Variants in ROR2 observed in about 807,000 individuals in gnomAD.
ROR2 encodes the protein tyrosine-protein kinase transmembrane receptor ROR2.
Under a neutral mutation model 74.9 loss-of-function variants are expected in ROR2, and 33 were observed. The ratio of observed to expected loss-of-function variants is 0.44; its 90% CI spans 0.33 to 0.59. The LOEUF is 0.59. ROR2 is among the 20% of genes least tolerant of loss of function. ROR2 has a pLI of 0.02. For missense variants in ROR2, 1,216 were observed against 1,313.8 expected (o/e 0.93, Z 1.15); for synonymous variants, 586 against 558.7 (o/e 1.05, Z -0.69).
chr9:91,875,245 A>C (rs1829923875), intron 1 of ROR2, among the ~76,000 whole-genome samples: 1 of 152,272 alleles, frequency 6.6e-6, no homozygotes, highest in African/African-American at 2.4e-5. Flanking sequence ...TTTGTGAAGA[A>C]GAATTGTTTA....
rs1228309788 is a variant in ROR2 at position 91,781,762 on chromosome 9, C to T, written c.98-5944G>A. The stretch of plus-strand genomic sequence containing the variant: ...TATTCCTTCAAGGGCTGGCTTAACT[C>T]TACTTTGGAAATAGGGAGTTAAAAC... On this transcript the variant is annotated intron_variant, in intron 1 of 8. Transcript: ENST00000375708. Among the ~76,000 whole-genome samples the T allele has an allele frequency of 1.3e-5, 2 of 152,162 alleles. 1 individual carries two copies. The highest frequency in any genetic ancestry group is 4.1e-4 in the South Asian group (2 of 4,836).
intron 1 of ROR2, among the ~76,000 whole-genome samples, chr9:91,903,941 A>G (rs1340405347): frequency 6.6e-6 from 1 of 152,142 alleles, no homozygotes; most frequent in Non-Finnish European, 1.5e-5. Flanking sequence ...TTTAAAGGAG[A>G]GTGGTTTTAG....
At chr9:91,939,235 C>T (rs986814021) in intron 1 of ROR2, among the ~76,000 whole-genome samples, 1 of 151,594 alleles carries the variant, frequency 6.6e-6, no homozygotes, top group Admixed American at 6.6e-5. Context: ...GGCGACAAAG[C>T]GAGACTCCAT....
intron 2 of ROR2, among the ~76,000 whole-genome samples, chr9:91,773,799 G>A (rs953585332): frequency 5.3e-5 from 8 of 152,110 alleles, no homozygotes; most frequent in Non-Finnish European, 1.2e-4. Context: ...CTTCCCTCTC[G>A]TTTTCACTTG....
chr9:91,781,259 A>AGTG (rs1826611198), intron 1 of ROR2, among the ~76,000 whole-genome samples: 1 of 152,194 alleles, frequency 6.6e-6, no homozygotes, highest in Admixed American at 6.5e-5. Flanking sequence ...CGGTGCTGCA[A>AGTG]ACCAGACACC....
intron 1 of ROR2, among the ~76,000 whole-genome samples, chr9:91,909,496 A>G (rs551419667): frequency 7.5e-4 from 111 of 148,514 alleles, no homozygotes; most frequent in African/African-American, 2.6e-3. Flanking sequence ...ACAGGCATGC[A>G]TCACCACATC....
chr9:91,868,826 G>T (rs1829713033), intron 1 of ROR2, among the ~76,000 whole-genome samples: 2 of 152,222 alleles, frequency 1.3e-5, no homozygotes, highest in South Asian at 4.1e-4. Context: ...AGTGCTTCAT[G>T]CAGAAGGGAA....
At chr9:91,857,882 G>C (rs763571296) in intron 1 of ROR2, among the ~76,000 whole-genome samples, 31 of 152,172 alleles carry the variant, frequency 2.0e-4, no homozygotes, top group Non-Finnish European at 3.5e-4. Context: ...TATGATAAAA[G>C]AGAGTAACTT....
At chr9:91,798,793 C>T (rs758611438) in intron 1 of ROR2, among the ~76,000 whole-genome samples, 1 of 152,126 alleles carries the variant, frequency 6.6e-6, no homozygotes, top group African/African-American at 2.4e-5. Context: ...TGTCTACTTT[C>T]GTTTTGCCAG....
intron 1 of ROR2, among the ~76,000 whole-genome samples, chr9:91,865,187 C>G (rs977159525): frequency 6.6e-6 from 1 of 152,080 alleles, no homozygotes; most frequent in East Asian, 1.9e-4. Flanking sequence ...TTTCACAGGA[C>G]AACAAAGAAA....
chr9:91,922,418 A>C (rs1892267), intron 1 of ROR2, among the ~76,000 whole-genome samples: 8,299 of 152,154 alleles, frequency 0.055, 489 homozygotes, highest in East Asian at 0.22. Flanking sequence ...CAACAGTTTG[A>C]TGTCCATACT....
chr9:91,901,206 T>TA (rs1322825706), intron 1 of ROR2, among the ~76,000 whole-genome samples: 4 of 152,258 alleles, frequency 2.6e-5, no homozygotes, highest in African/African-American at 9.6e-5. Flanking sequence ...ATGGTATGTA[T>TA]AACACATAAA....
chr9:91,874,283 T>A (rs1055710066), intron 1 of ROR2, among the ~76,000 whole-genome samples: 1 of 152,214 alleles, frequency 6.6e-6, no homozygotes, highest in Non-Finnish European at 1.5e-5. Flanking sequence ...TTCAGGAGGC[T>A]CTGCACACTC....
chr9:91,729,559 G>A (rs935625926), intron 7 of ROR2, among the ~76,000 whole-genome samples: 2 of 152,176 alleles, frequency 1.3e-5, no homozygotes, highest in African/African-American at 2.4e-5. Flanking sequence ...AGAGACACGC[G>A]GGCCTGCACC....
At chr9:91,936,579 T>A (rs1168171783) in intron 1 of ROR2, among the ~76,000 whole-genome samples, 1 of 152,178 alleles carries the variant, frequency 6.6e-6, no homozygotes, top group East Asian at 1.9e-4. Flanking sequence ...CTTCAACATA[T>A]CTTCTTTTGA....
At chr9:91,869,588 T>A in intron 1 of ROR2, among the ~76,000 whole-genome samples, 1 of 152,164 alleles carries the variant, frequency 6.6e-6, no homozygotes, top group East Asian at 1.9e-4. Flanking sequence ...TAATGTATGA[T>A]TCCACTATTG....
intron 1 of ROR2, among the ~76,000 whole-genome samples, chr9:91,924,143 T>A (rs1413870412): frequency 1.3e-5 from 2 of 152,242 alleles, no homozygotes; most frequent in African/African-American, 4.8e-5. Context: ...GAGCTGGTAC[T>A]CCATGAATGG....
At position 91,780,032 on chromosome 9, in the gene ROR2, G is replaced by A. The variant is rs117127525; in HGVS notation, c.98-4214C>T. On this transcript the variant is annotated intron_variant, in intron 1 of 8. Coordinates refer to ENST00000375708, the MANE Select transcript of ROR2 (RefSeq NM_004560.4). ...TTCACTGTTGATAGGGATGATGCCCGGTTGCTGTTAAGAGAGTCACATCAG... is the reference window on the plus strand; with the variant it reads ...TTCACTGTTGATAGGGATGATGCCCAGTTGCTGTTAAGAGAGTCACATCAG... 1.1e-4 allele frequency among the ~76,000 whole-genome samples: 16 copies of A among 152,300 alleles called. No homozygotes were observed. In the East Asian group the frequency reaches 3.1e-3, roughly 29 times the overall value.
chr9:91,889,534 C>G (rs1037817783), intron 1 of ROR2, among the ~76,000 whole-genome samples: 5 of 152,184 alleles, frequency 3.3e-5, no homozygotes, highest in African/African-American at 1.2e-4. Context: ...TGGACCCGGA[C>G]AGACCCCCTC....
Sources: gnomAD v4.1 joint callset for allele counts (sites outside exome capture counted in the v4.1 genomes callset) on GRCh38, gnomAD v4.1.1 for gene constraint, MANE v1.5 for transcripts, NCBI Gene and HGNC (gene_info 2026-07-23, HGNC 2026-07-21) for gene names.